Variants in PCDHGA8 observed in about 807,000 individuals in gnomAD.
PCDHGA8 encodes the protein protocadherin gamma subfamily A, 8.
Under a neutral mutation model 59.2 loss-of-function variants are expected in PCDHGA8, and 45 were observed. The ratio of observed to expected loss-of-function variants is 0.76; its 90% confidence interval spans 0.60 to 0.98. The LOEUF (loss-of-function observed/expected upper bound fraction) is 0.98. Among genes scored for constraint, PCDHGA8 ranks in the 50% least tolerant of loss-of-function variants. The pLI is 0.00. For missense variants in PCDHGA8, 1,257 were observed against 1,196.2 expected (o/e 1.05, Z -0.75); for synonymous variants, 531 against 519.0 (o/e 1.02, Z -0.32).
chr5:141,444,265 A>G (rs1355824197), intron 1 of PCDHGA8, among the ~76,000 whole-genome samples: 3 of 133,712 alleles, frequency 2.2e-5, no homozygotes, highest in Non-Finnish European at 3.1e-5. Flanking sequence ...TCCGCCTCCC[A>G]GGTTCAAGTG....
chr5:141,419,890 C>T (rs775698934), intron 1 of PCDHGA8: 3 of 1,614,102 alleles, frequency 1.9e-6, no homozygotes, highest in Non-Finnish European at 2.5e-6. Flanking sequence ...ATTTCAGCGA[C>T]CATCCCACAC....
chr5:141,402,942 G>A, intron 1 of PCDHGA8: 1 of 1,591,382 alleles, frequency 6.3e-7, no homozygotes, highest in Non-Finnish European at 8.6e-7. Flanking sequence ...AAATTCCAAA[G>A]CGAGGCAGCA....
At chr5:141,415,285 G>T in intron 1 of PCDHGA8, 1 of 1,614,216 alleles carries the variant, frequency 6.2e-7, no homozygotes. Flanking sequence ...GGTGGCCGCG[G>T]TCTCCTGCGT....
intron 1 of PCDHGA8, among the ~76,000 whole-genome samples, chr5:141,481,789 T>TAAAAATAC (rs972511310): frequency 3.3e-5 from 5 of 151,186 alleles, no homozygotes; most frequent in African/African-American, 1.2e-4. Flanking sequence ...CCGTCTCTAC[T>TAAAAATAC]AAAAATACAA....
intron 1 of PCDHGA8, among the ~76,000 whole-genome samples, chr5:141,470,694 ATAATTT>A (rs2099236876): frequency 6.6e-6 from 1 of 151,978 alleles, no homozygotes; most frequent in African/African-American, 2.4e-5. Context: ...GAAATTCTTA[ATAATTT>A]TTATTTTATT....
At position 141,477,850 on chromosome 5, in the gene PCDHGA8, G is replaced by A; in HGVS notation, c.2425-16957G>A. On this transcript the variant is annotated intron_variant, in intron 1 of 3. Transcript: ENST00000398604. The surrounding 1 kb of genome is among the most constrained non-coding windows in gnomAD (Gnocchi z 4.9). ...CTCGGCCAGGTGGGAGCTCGGTGGAGATGCTGCCTCGAGGTACCTCAGCTG... is the reference window on the plus strand; with the variant it reads ...CTCGGCCAGGTGGGAGCTCGGTGGAAATGCTGCCTCGAGGTACCTCAGCTG... 6.2e-7 allele frequency: 1 copy of A among 1,613,446 alleles called. No homozygotes were observed. Among genetic ancestry groups the A allele is most frequent in the Admixed American group, 1.7e-5 (1 of 59,958 alleles).
At position 141,393,237 on chromosome 5, in the gene PCDHGA8, AT is replaced by A; in HGVS notation, c.426del (p.Asn143ThrfsTer22). The A allele has an allele frequency of 1.2e-6, 2 of 1,613,802 alleles. No individual in the cohort carries two copies. Among genetic ancestry groups the A allele is most frequent in the South Asian group, 1.1e-5 (1 of 91,090 alleles). ...CCAGGTCGAAGATCTAGAAGTAAAA[AT>A]TAACGAAATCGCGGTTCCTGGAGCA... ...KFQVEDLEVKINEIAVPGARY... is the reference protein window; with the variant it reads ...KFQVEDLEVKXNEIAVPGARY... On this transcript the variant is annotated frameshift_variant, in exon 1 of 4. Transcript: ENST00000398604. LOFTEE classifies it high-confidence loss of function.
chr5:141,466,468 T>C (rs1266315455), intron 1 of PCDHGA8, among the ~76,000 whole-genome samples: 1 of 152,368 alleles, frequency 6.6e-6, no homozygotes, highest in East Asian at 1.9e-4. Flanking sequence ...TTGTTTCTGC[T>C]GTTAATTGTA....
rs762662380 is a variant in PCDHGA8, at chr5:141,419,561, G to A, written c.2424+24324G>A. 9 of 1,611,728 alleles carry A rather than the reference G, an allele frequency of 5.6e-6. No individual in the cohort carries two copies. The Admixed American group carries it at 1.2e-4, about 21-fold the overall frequency. The stretch of plus-strand genomic sequence containing the variant: ...ACCGCGGGTGCTGTACCCTGCGCTG[G>A]GTCCCGACGGCTCCGCGCTCTTCGA... On this transcript the variant is annotated intron_variant, in intron 1 of 3. Coordinates refer to ENST00000398604, the MANE Select transcript of PCDHGA8 (RefSeq NM_032088.2).
At chr5:141,429,091 T>A (rs985605582) in intron 1 of PCDHGA8, 2 of 152,160 alleles carry the variant, frequency 1.3e-5, no homozygotes, top group African/African-American at 4.8e-5. Flanking sequence ...CCTGACCTCG[T>A]GATCTGCCCG....
At chr5:141,464,480 A>T (rs1013894368) in intron 1 of PCDHGA8, among the ~76,000 whole-genome samples, 4 of 151,864 alleles carry the variant, frequency 2.6e-5, no homozygotes, top group African/African-American at 7.3e-5. Flanking sequence ...CGTATAATAA[A>T]TTCCTAATAG....
At chr5:141,509,354 A>G (rs1229726913) in intron 3 of PCDHGA8, among the ~76,000 whole-genome samples, 2 of 152,144 alleles carry the variant, frequency 1.3e-5, no homozygotes, top group Non-Finnish European at 2.9e-5. Context: ...TGGCCTGGGC[A>G]TCCCTGAGGT....
intron 3 of PCDHGA8, among the ~76,000 whole-genome samples, chr5:141,506,444 CA>C (rs1219684339): frequency 0.54 from 51,660 of 95,006 alleles, 10,715 homozygotes; most frequent in African/African-American, 0.61. Context: ...CGCTCTGTCT[CA>C]AAAAAAAAAA....
In PCDHGA8 at chr5:141,511,345, TCC is replaced by T; in HGVS notation, c.*178_*179del. 1 of 1,410,484 alleles carries T rather than the reference TCC, an allele frequency of 7.1e-7. No homozygotes were observed. The highest frequency in any genetic ancestry group is 9.4e-7 in the Non-Finnish European group (1 of 1,060,658). The allele number at this position is 1,410,484 out of a possible 1,614,324, so 87.4% of individuals were successfully genotyped here. On this transcript the variant is annotated 3_prime_UTR_variant, in exon 4 of 4. Coordinates refer to ENST00000398604, the MANE Select transcript of PCDHGA8 (RefSeq NM_032088.2). ...AAGTGCCCAGTCAGCACCTACCCCT[TCC>T]CCCCCAGGGGGTTGAATATGCAAAA... is the stretch of plus-strand genomic sequence containing the variant.
chr5:141,450,838 T>A (rs2098698352), intron 1 of PCDHGA8, among the ~76,000 whole-genome samples: 1 of 149,278 alleles, frequency 6.7e-6, no homozygotes, highest in African/African-American at 2.5e-5. Flanking sequence ...TATTTTTTTT[T>A]TTTTGAGATG....
intron 1 of PCDHGA8, chr5:141,409,951 G>T: frequency 6.2e-7 from 1 of 1,613,374 alleles, no homozygotes; most frequent in Non-Finnish European, 8.5e-7. Context: ...GCTCTGCAGA[G>T]CCCGGCTACC....
chr5:141,392,713 G>A lies in PCDHGA8; in HGVS notation c.-101G>A. The A allele has an allele frequency of 2.2e-6, 3 of 1,363,444 alleles. No individual in the cohort carries two copies. Among genetic ancestry groups the A allele is most frequent in the Non-Finnish European group, 2.9e-6 (3 of 1,037,310 alleles). The allele number at this position is 1,363,444 out of a possible 1,614,324, so 84.5% of individuals were successfully genotyped here. A position where few individuals can be genotyped will look rare whatever the true frequency, so the allele number is the denominator to read the frequency against. ...CCGACCCCTGTTTGGAGGCACTCCA[G>A]GTTTCCGGAGGATTGTCATCTCCAT... On this transcript the variant is annotated 5_prime_UTR_variant, in exon 1 of 4. Transcript: ENST00000398604.
intron 1 of PCDHGA8, chr5:141,441,792 G>T: frequency 2.6e-6 from 1 of 389,292 alleles, no homozygotes; most frequent in Non-Finnish European, 5.1e-6. Context: ...GAATGACAAC[G>T]CACCGCGGGT....
intron 1 of PCDHGA8, among the ~76,000 whole-genome samples, chr5:141,435,539 C>T (rs75717921): frequency 1.3e-5 from 2 of 152,226 alleles, no homozygotes; most frequent in South Asian, 4.1e-4. Flanking sequence ...TCAGAATTAA[C>T]AAAATGTGTT....
Sources: allele counts gnomAD v4.1 joint callset (sites outside exome capture counted in the v4.1 genomes callset), GRCh38; gene constraint gnomAD v4.1.1; non-coding constraint Gnocchi (gnomAD v3.1); transcripts MANE v1.5; gene names NCBI Gene and HGNC (gene_info 2026-07-23, HGNC 2026-07-21).